SOX5: variants seen among roughly 807,000 people sequenced by gnomAD.
The protein encoded by SOX5 is transcription factor SOX-5.
SOX5 carries 9 observed loss-of-function variants against 92.0 expected under a neutral mutation model. The ratio of observed to expected loss-of-function variants is 0.10; its 90% CI spans 0.06 to 0.17. The LOEUF (loss-of-function observed/expected upper bound fraction) is 0.17, where lower values mean the gene tolerates loss of function less well. SOX5 is among the 10% of genes least tolerant of loss of function. SOX5 has a pLI of 1.00. For synonymous variants in SOX5, 344 were observed against 336.3 expected, an observed-to-expected ratio of 1.02 and a Z score of -0.25; for missense variants, 642 against 944.5, an observed-to-expected ratio of 0.68 and a Z score of 4.20.
chr12:24,296,926 GACAGAC>G lies in SOX5; in HGVS notation c.-173-19620_-173-19615del, dbSNP rs1383473351. 6.1e-3 allele frequency among the ~76,000 whole-genome samples: 561 copies of G among 92,440 alleles called. 8 individuals carry two copies. The highest frequency in any genetic ancestry group is 0.02 in the African/African-American group (535 of 26,352). The allele number at this position is 92,440 out of a possible 152,430, so 60.6% of individuals were successfully genotyped here. A position where few individuals can be genotyped will look rare whatever the true frequency, so the allele number is the denominator to read the frequency against. The stretch of plus-strand genomic sequence containing the variant: ...GACCCCACATGGCCCTACATAGACA[GACAGAC>G]ACACACACACACACACACACACACA... On this transcript the variant is annotated intron_variant, in intron 2 of 4. Coordinates refer to the SOX5 transcript ENST00000446891.
At chr12:24,159,617 C>T (rs1310590051) in intron 4 of SOX5, among the ~76,000 whole-genome samples, 2 of 151,868 alleles carry the variant, frequency 1.3e-5, no homozygotes. Flanking sequence ...GAACTCTTAA[C>T]CATATATTAT....
At chr12:23,710,768 G>T (rs557701317) in intron 6 of SOX5, among the ~76,000 whole-genome samples, 1 of 152,254 alleles carries the variant, frequency 6.6e-6, no homozygotes, top group Non-Finnish European at 1.5e-5. Context: ...TAATGGGATG[G>T]CTGGGTCAAA....
At chr12:24,099,762 T>A (rs1945859350) in intron 4 of SOX5, among the ~76,000 whole-genome samples, 1 of 152,100 alleles carries the variant, frequency 6.6e-6, no homozygotes, top group Admixed American at 6.5e-5. Flanking sequence ...CGGATGTAAA[T>A]GCATTAGTTA....
At chr12:23,692,613 G>T (rs1008491063) in intron 6 of SOX5, among the ~76,000 whole-genome samples, 1 of 152,096 alleles carries the variant, frequency 6.6e-6, no homozygotes, top group African/African-American at 2.4e-5. Context: ...TGTGTGAAAA[G>T]AATATTTCGT....
In SOX5 at chr12:23,787,291, C is replaced by T. The variant is rs760699093; in HGVS notation, c.482-31567G>A. ...AACTTAAGATTTTAAATACACCAATCGGAAGAGATCTGACATTCTGAAGTA... is the reference window on the plus strand; with the variant it reads ...AACTTAAGATTTTAAATACACCAATTGGAAGAGATCTGACATTCTGAAGTA... On this transcript the variant is annotated intron_variant, in intron 3 of 14. Coordinates refer to ENST00000451604, the MANE Select transcript of SOX5 (RefSeq NM_006940.6). 8.6e-5 allele frequency among the ~76,000 whole-genome samples: 13 copies of T among 152,022 alleles called. No homozygotes were observed. The East Asian group carries it at 9.7e-4, about 11-fold the overall frequency.
chr12:23,895,770 A>T lies in SOX5; in HGVS notation c.270+23T>A, dbSNP rs77205058. 4.4e-3 allele frequency: 6,736 copies of T among 1,538,382 alleles called. 217 individuals carry two copies. The African/African-American group carries it at 0.079, about 18-fold the overall frequency. On this transcript the variant is annotated intron_variant, in intron 2 of 14. Coordinates refer to ENST00000451604, the MANE Select transcript of SOX5 (RefSeq NM_006940.6). ...GACTGGTCAAAAAGTGAGTGTAGGC[A>T]CAATAAACCATGAGAAACCTACCAT...
chr12:23,774,888 C>T (rs1321435758), intron 3 of SOX5, among the ~76,000 whole-genome samples: 1 of 152,134 alleles, frequency 6.6e-6, no homozygotes, highest in Non-Finnish European at 1.5e-5. Flanking sequence ...TGATATACAT[C>T]TTTAATCTGA....
At chr12:24,174,620 G>C (rs1039379269) in intron 4 of SOX5, among the ~76,000 whole-genome samples, 1 of 152,088 alleles carries the variant, frequency 6.6e-6, no homozygotes, top group African/African-American at 2.4e-5. Context: ...TCAGGAGTTT[G>C]AGACCAGCCT....
intron 1 of SOX5, among the ~76,000 whole-genome samples, chr12:24,557,763 G>A (rs1330046954): frequency 1.3e-5 from 2 of 152,188 alleles, no homozygotes. Context: ...CTTTGTTTTG[G>A]GGTGTTTTGT....
rs928460068 is a variant in SOX5, at chr12:23,924,787, T to C, written c.38+24777A>G. Among the ~76,000 whole-genome samples, 18 of 152,274 alleles carry C rather than the reference T, an allele frequency of 1.2e-4. No homozygotes were observed. The East Asian group carries it at 1.3e-3, about 11-fold the overall frequency. On this transcript the variant is annotated intron_variant, in intron 1 of 14. Coordinates refer to ENST00000451604, the MANE Select transcript of SOX5 (RefSeq NM_006940.6). ...TTACTATTGACTTCAGGTCATCAAATACTTGACACTTCAACAAGGTCAGTA... is the reference window on the plus strand; with the variant it reads ...TTACTATTGACTTCAGGTCATCAAACACTTGACACTTCAACAAGGTCAGTA...
At chr12:24,244,329 G>A (rs1441389213) in intron 3 of SOX5, among the ~76,000 whole-genome samples, 1 of 152,180 alleles carries the variant, frequency 6.6e-6, no homozygotes, top group Non-Finnish European at 1.5e-5. Context: ...TGCATGTAAT[G>A]CAAATGCAGG....
At chr12:23,703,929 T>A (rs1477614982) in intron 6 of SOX5, among the ~76,000 whole-genome samples, 3 of 152,002 alleles carry the variant, frequency 2.0e-5, no homozygotes, top group Non-Finnish European at 4.4e-5. Flanking sequence ...AGTATTAGTT[T>A]AATGTATAGA....
In SOX5 at chr12:23,531,907, G is replaced by A. The variant is rs1939166246; in HGVS notation, c.*2312C>T. 1 of 149,166 alleles carries A rather than the reference G, an allele frequency of 6.7e-6. No homozygotes were observed. The highest frequency in any genetic ancestry group is 1.5e-5 in the Non-Finnish European group (1 of 67,488). 9.2% of individuals were successfully genotyped at this position (149,166 alleles called of 1,614,324 possible). On this transcript the variant is annotated 3_prime_UTR_variant, in exon 15 of 15. Transcript: ENST00000451604. ...AAATTGTGGGTAAATGTGTGTGTGTGTGTGTATATGTGTGTATATATATGT... is the reference window on the plus strand; with the variant it reads ...AAATTGTGGGTAAATGTGTGTGTGTATGTGTATATGTGTGTATATATATGT...
intron 4 of SOX5, among the ~76,000 whole-genome samples, chr12:23,744,955 T>C (rs1158588708): frequency 6.6e-6 from 1 of 152,190 alleles, no homozygotes; most frequent in Non-Finnish European, 1.5e-5. Context: ...CGTCTCGGTC[T>C]GTACATACCC....
intron 2 of SOX5, among the ~76,000 whole-genome samples, chr12:23,875,631 T>A (rs958759398): frequency 6.6e-6 from 1 of 152,110 alleles, no homozygotes; most frequent in African/African-American, 2.4e-5. Context: ...TAGTATCACA[T>A]CAAAGTAATG....
chr12:23,936,784 C>A (rs1263072981), intron 1 of SOX5, among the ~76,000 whole-genome samples: 1 of 150,856 alleles, frequency 6.6e-6, no homozygotes, highest in African/African-American at 2.4e-5. Context: ...TTATTTGTGC[C>A]AATATATCCT....
chr12:24,297,273 T>G (rs1470485146), intron 2 of SOX5, among the ~76,000 whole-genome samples: 1 of 152,196 alleles, frequency 6.6e-6, no homozygotes, highest in Non-Finnish European at 1.5e-5. Flanking sequence ...ACAGCACTTA[T>G]GGGTTTAAAA....
intron 3 of SOX5, among the ~76,000 whole-genome samples, chr12:23,779,814 T>TATATATATATATAC (rs777013504): frequency 4.9e-4 from 54 of 110,792 alleles, no homozygotes; most frequent in Non-Finnish European, 6.1e-4. Flanking sequence ...TATATATATA[T>TATATATATATATAC]ACACACACAC....
At chr12:23,824,833 G>T (rs917403869) in intron 3 of SOX5, among the ~76,000 whole-genome samples, 1 of 152,164 alleles carries the variant, frequency 6.6e-6, no homozygotes, top group Non-Finnish European at 1.5e-5. Flanking sequence ...TAGCTTTGCC[G>T]AGCTGTGGTG....
Sources: gnomAD v4.1 joint callset for allele counts (sites outside exome capture counted in the v4.1 genomes callset) on GRCh38, gnomAD v4.1.1 for gene constraint, MANE v1.5 for transcripts, NCBI Gene and HGNC (gene_info 2026-07-23, HGNC 2026-07-21) for gene names.